The following EEPD1 variants were observed in gnomAD, a reference collection of about 807,000 sequenced individuals.
EEPD1 encodes the protein endonuclease/exonuclease/phosphatase family domain-containing protein 1.
EEPD1 carries 17 observed loss-of-function variants against 46.3 expected under a neutral mutation model. The ratio of observed to expected loss-of-function variants is 0.37; its 90% CI spans 0.25 to 0.55. The LOEUF is 0.55. Ranked by LOEUF, EEPD1 falls within the 20% of genes least tolerant of loss-of-function variation. EEPD1 has a pLI of 0.83. For missense variants in EEPD1, 673 were observed against 745.6 expected (o/e 0.90, Z 1.13); for synonymous variants, 313 against 315.6 (o/e 0.99, Z 0.09).
At position 36,300,751 on chromosome 7, in the gene EEPD1, G is replaced by A. The variant is rs1248512045; in HGVS notation, c.*1545G>A. The A allele has an allele frequency of 1.3e-5, 2 of 152,186 alleles. No individual in the cohort carries two copies. The highest frequency in any genetic ancestry group is 2.4e-5 in the African/African-American group (1 of 41,430). 9.4% of individuals were successfully genotyped at this position (152,186 alleles called of 1,614,324 possible). The stretch of plus-strand genomic sequence containing the variant: ...GGGCCACCTGGCTCCAAGAAGCATC[G>A]CTGGTCTTGGGGACGGGAAGGGAAC... On this transcript the variant is annotated 3_prime_UTR_variant, in exon 8 of 8. Transcript: ENST00000242108.
At chr7:36,233,825 T>A (rs1786378738) in intron 2 of EEPD1, among the ~76,000 whole-genome samples, 1 of 152,226 alleles carries the variant, frequency 6.6e-6, no homozygotes, top group African/African-American at 2.4e-5. Context: ...CCAACGGGGT[T>A]GGAGCAGAGA....
At chr7:36,259,788 T>A (rs942496117) in intron 3 of EEPD1, among the ~76,000 whole-genome samples, 1 of 152,228 alleles carries the variant, frequency 6.6e-6, no homozygotes, top group African/African-American at 2.4e-5. Context: ...AGTGCTGGGA[T>A]TACAGGCATG....
chr7:36,192,249 A>G (rs1785473555), intron 2 of EEPD1, among the ~76,000 whole-genome samples: 1 of 152,258 alleles, frequency 6.6e-6, no homozygotes, highest in African/African-American at 2.4e-5. Flanking sequence ...TGTATTGTGT[A>G]AAAACACACA....
chr7:36,175,617 G>T (rs941692418), intron 2 of EEPD1, among the ~76,000 whole-genome samples: 1 of 152,046 alleles, frequency 6.6e-6, no homozygotes, highest in Admixed American at 6.6e-5. Context: ...GGGCTGGCCT[G>T]TGTTTTGTAG....
chr7:36,196,298 A>T (rs536729359), intron 2 of EEPD1, among the ~76,000 whole-genome samples: 7 of 149,628 alleles, frequency 4.7e-5, no homozygotes, highest in East Asian at 3.9e-4. Flanking sequence ...GCTACACTAA[A>T]TTTTTTTTTT....
At chr7:36,282,885 T>C (rs1787282506) in intron 4 of EEPD1, among the ~76,000 whole-genome samples, 1 of 152,224 alleles carries the variant, frequency 6.6e-6, no homozygotes, top group Non-Finnish European at 1.5e-5. Flanking sequence ...TCCTGAATTT[T>C]AAAGATGAAC....
intron 2 of EEPD1, among the ~76,000 whole-genome samples, chr7:36,228,245 C>T (rs1043934672): frequency 1.3e-5 from 2 of 152,016 alleles, no homozygotes; most frequent in Admixed American, 6.5e-5. Context: ...AAAACAAATA[C>T]AGACTGGGCA....
At chr7:36,187,998 A>C (rs916084863) in intron 2 of EEPD1, among the ~76,000 whole-genome samples, 3 of 152,076 alleles carry the variant, frequency 2.0e-5, no homozygotes, top group African/African-American at 7.2e-5. Context: ...GGGTTTCACC[A>C]TGTTGGTCAG....
intron 2 of EEPD1, among the ~76,000 whole-genome samples, chr7:36,166,781 C>T (rs1322074813): frequency 6.6e-6 from 1 of 152,012 alleles, no homozygotes. Flanking sequence ...CACAAAAGTC[C>T]CTTCCAATCC....
chr7:36,292,526 C>G (rs1315296253), intron 6 of EEPD1, among the ~76,000 whole-genome samples: 1 of 146,530 alleles, frequency 6.8e-6, no homozygotes, highest in African/African-American at 2.5e-5. Context: ...TTCTTTTCTT[C>G]TTTGACAGAG....
chr7:36,163,830 A>T (rs1784940511), intron 2 of EEPD1, among the ~76,000 whole-genome samples: 1 of 150,362 alleles, frequency 6.7e-6, no homozygotes, highest in Non-Finnish European at 1.5e-5. Context: ...GTGAGCCGAG[A>T]TCATGCCACT....
chr7:36,223,310 G>A (rs77208808), intron 2 of EEPD1, among the ~76,000 whole-genome samples: 15,778 of 152,072 alleles, frequency 0.1, 1,608 homozygotes, highest in African/African-American at 0.27. Flanking sequence ...CTTTTTGTGC[G>A]CATCTCTTCC....
chr7:36,228,300 G>A (rs1786262315), intron 2 of EEPD1, among the ~76,000 whole-genome samples: 1 of 152,178 alleles, frequency 6.6e-6, no homozygotes, highest in Admixed American at 6.5e-5. Flanking sequence ...GGTTGAGACA[G>A]GCAGATCACT....
intron 6 of EEPD1, among the ~76,000 whole-genome samples, chr7:36,289,746 G>A (rs1039270280): frequency 3.9e-5 from 6 of 152,062 alleles, no homozygotes; most frequent in Admixed American, 3.3e-4. Flanking sequence ...TGCCCGCCTC[G>A]GCCTCCCAAA....
chr7:36,221,656 A>G (rs1277001865), intron 2 of EEPD1, among the ~76,000 whole-genome samples: 1 of 152,174 alleles, frequency 6.6e-6, no homozygotes, highest in African/African-American at 2.4e-5. Context: ...TACCAGTGTG[A>G]TTTTGAGGAA....
intron 2 of EEPD1, among the ~76,000 whole-genome samples, chr7:36,236,888 A>G (rs1203886877): frequency 2.0e-5 from 3 of 152,232 alleles, no homozygotes; most frequent in Admixed American, 6.5e-5. Context: ...GTGGGGCCAG[A>G]TAAGGGAATA....
Position 36,187,633 on chromosome 7 carries a change from TATTG to T in EEPD1, c.878+32435_878+32438del, listed in dbSNP as rs1254857041. ...CATTGTATGTATACCCCATTTTCTTTATTGATTAAGTGCTGTTGGATACTTAAGT... is the reference window on the plus strand; with the variant it reads ...CATTGTATGTATACCCCATTTTCTTTATTAAGTGCTGTTGGATACTTAAGT... On this transcript the variant is annotated intron_variant, in intron 2 of 7. Coordinates refer to ENST00000242108, the MANE Select transcript of EEPD1 (RefSeq NM_030636.3). 2.0e-5 allele frequency among the ~76,000 whole-genome samples: 3 copies of T among 152,214 alleles called. No homozygotes were observed. In the South Asian group the frequency reaches 6.2e-4, roughly 31 times the overall value.
intron 3 of EEPD1, among the ~76,000 whole-genome samples, chr7:36,276,583 G>A (rs926687174): frequency 1.3e-5 from 2 of 152,126 alleles, no homozygotes; most frequent in Non-Finnish European, 1.5e-5. Flanking sequence ...ACAGGGTCCC[G>A]GGAGAGCCAA....
intron 7 of EEPD1, 21 bp from the exon 8 acceptor site, chr7:36,298,986 C>T: frequency 6.2e-7 from 1 of 1,612,572 alleles, no homozygotes; most frequent in East Asian, 2.2e-5. Flanking sequence ...TTCCCGGTCT[C>T]TTTCCTTCCT....
Sources: gnomAD v4.1 joint callset for allele counts (sites outside exome capture counted in the v4.1 genomes callset) on GRCh38, gnomAD v4.1.1 for gene constraint, MANE v1.5 for transcripts, NCBI Gene and HGNC (gene_info 2026-07-23, HGNC 2026-07-21) for gene names.